The following RETREG1 variants were observed in gnomAD, a reference collection of about 807,000 sequenced individuals.
RETREG1 encodes reticulophagy regulator 1.
A neutral mutation model predicts 54.8 loss-of-function variants in RETREG1; 44 were observed. The ratio of observed to expected loss-of-function variants is 0.80; its 90% CI spans 0.63 to 1.03. The LOEUF is 1.03. Ranked by LOEUF, RETREG1 falls within the 50% of genes least tolerant of loss-of-function variation. RETREG1 has a pLI of 0.00. For missense variants in RETREG1, 554 were observed against 605.1 expected, an observed-to-expected ratio of 0.92 and a Z score of 0.89; for synonymous variants, 217 against 238.5, an observed-to-expected ratio of 0.91 and a Z score of 0.83.
At position 16,585,737 on chromosome 5, in the gene RETREG1, C is replaced by T. The variant is rs901268406; in HGVS notation, c.321-13635G>A. Among the ~76,000 whole-genome samples the T allele has an allele frequency of 3.9e-5, 6 of 152,222 alleles. No homozygotes were observed. Among genetic ancestry groups the T allele is most frequent in the East Asian group, 1.9e-4 (1 of 5,168 alleles). On this transcript the variant is annotated intron_variant, in intron 1 of 8. Coordinates refer to ENST00000306320, the MANE Select transcript of RETREG1 (RefSeq NM_001034850.3). The surrounding 1 kb of genome is among the most constrained non-coding windows in gnomAD (Gnocchi z 4.5). ...AGGAAGCATGGGGTCAGCATCTGCT[C>T]GGCTTCTCATGAGGCCTCAGAAAGC...
At chr5:16,540,892 T>C (rs1391400662) in intron 3 of RETREG1, among the ~76,000 whole-genome samples, 4 of 152,156 alleles carry the variant, frequency 2.6e-5, no homozygotes, top group Admixed American at 1.3e-4. Context: ...GGGAGTAGAA[T>C]TGTTGTCTAA....
intron 3 of RETREG1, among the ~76,000 whole-genome samples, chr5:16,505,396 T>G (rs1025377405): frequency 3.9e-5 from 6 of 152,190 alleles, no homozygotes; most frequent in African/African-American, 1.4e-4. Context: ...TGAAATACTC[T>G]TGCTTACTTT....
At chr5:16,612,920 T>C (rs1305570662) in intron 1 of RETREG1, among the ~76,000 whole-genome samples, 1 of 152,216 alleles carries the variant, frequency 6.6e-6, no homozygotes, top group African/African-American at 2.4e-5. Context: ...AAAACTTAAT[T>C]GAATCATTCA....
chr5:16,603,998 G>A (rs1743118601), intron 1 of RETREG1, among the ~76,000 whole-genome samples: 1 of 152,148 alleles, frequency 6.6e-6, no homozygotes, highest in Admixed American at 6.5e-5. Context: ...GTGGTGGGGT[G>A]GAATCCTCTA....
chr5:16,559,771 G>T (rs886820152), intron 3 of RETREG1, among the ~76,000 whole-genome samples: 1 of 152,168 alleles, frequency 6.6e-6, no homozygotes, highest in Non-Finnish European at 1.5e-5. Context: ...ATACAGAAAA[G>T]GTCACATGCA....
chr5:16,568,706 G>A (rs1278721643), intron 2 of RETREG1, among the ~76,000 whole-genome samples: 2 of 152,134 alleles, frequency 1.3e-5, no homozygotes, highest in African/African-American at 4.8e-5. Flanking sequence ...CAGGGGAAAG[G>A]GGGACTTGGC....
chr5:16,513,378 G>A lies in RETREG1; in HGVS notation c.459-29906C>T, dbSNP rs2126570422. 1.3e-5 allele frequency among the ~76,000 whole-genome samples: 2 copies of A among 152,296 alleles called. 1 individual carries two copies. Among genetic ancestry groups the A allele is most frequent in the East Asian group, 3.9e-4 (2 of 5,182 alleles). On this transcript the variant is annotated intron_variant, in intron 3 of 8. Coordinates refer to ENST00000306320, the MANE Select transcript of RETREG1 (RefSeq NM_001034850.3). ...ACAGTGGGGAAACTCCTTACAAAAG[G>A]CAAATGGACACATGTCTTTAGAGCC...
chr5:16,483,075 A>G, intron 4 of RETREG1: 1 of 414,148 alleles, frequency 2.4e-6, no homozygotes, highest in East Asian at 4.9e-5. Flanking sequence ...AGTCTTGCTG[A>G]TAAGACCAAT....
chr5:16,573,180 CAAAAAAA>C (rs11303408), intron 1 of RETREG1, among the ~76,000 whole-genome samples: 21 of 45,146 alleles, frequency 4.7e-4, no homozygotes, highest in East Asian at 1.1e-3. Flanking sequence ...GATTCTGTCT[CAAAAAAA>C]AAAAAAAAAA....
At chr5:16,548,298 G>A (rs1386144039) in intron 3 of RETREG1, among the ~76,000 whole-genome samples, 1 of 152,162 alleles carries the variant, frequency 6.6e-6, no homozygotes, top group Non-Finnish European at 1.5e-5. Flanking sequence ...ATCAGCAGGT[G>A]GAGGCGTGAA....
chr5:16,528,951 C>T (rs554617347), intron 3 of RETREG1, among the ~76,000 whole-genome samples: 56 of 152,220 alleles, frequency 3.7e-4, no homozygotes, highest in African/African-American at 9.1e-4. Flanking sequence ...CACACGTACA[C>T]GCACCATACA....
intron 1 of RETREG1, among the ~76,000 whole-genome samples, chr5:16,573,029 A>G (rs1742221152): frequency 6.6e-6 from 1 of 151,942 alleles, no homozygotes; most frequent in Non-Finnish European, 1.5e-5. Context: ...CTAAAAATAC[A>G]AAAGTTAGCC....
At chr5:16,553,254 A>G (rs1466023089) in intron 3 of RETREG1, among the ~76,000 whole-genome samples, 2 of 152,226 alleles carry the variant, frequency 1.3e-5, no homozygotes, top group Non-Finnish European at 2.9e-5. Context: ...ATGATGGAAT[A>G]TCGTACAGCC....
chr5:16,474,592 A>G lies in RETREG1; in HGVS notation c.*149T>C. The G allele has an allele frequency of 4.4e-6, 4 of 907,510 alleles. No homozygotes were observed. Among genetic ancestry groups the G allele is most frequent in the Non-Finnish European group, 6.6e-6 (4 of 608,630 alleles). 56.2% of individuals were successfully genotyped at this position (907,510 alleles called of 1,614,324 possible). On this transcript the variant is annotated 3_prime_UTR_variant, in exon 9 of 9. Coordinates refer to ENST00000306320, the MANE Select transcript of RETREG1 (RefSeq NM_001034850.3). ...ATCAGTGTCAGCTGATATATATCCAATTAATTCACTGCAGGAGGGAAAATA... is the reference window on the plus strand; with the variant it reads ...ATCAGTGTCAGCTGATATATATCCAGTTAATTCACTGCAGGAGGGAAAATA...
At chr5:16,521,846 G>A (rs1347010588) in intron 3 of RETREG1, among the ~76,000 whole-genome samples, 1 of 152,222 alleles carries the variant, frequency 6.6e-6, no homozygotes. Flanking sequence ...CATTTACCCA[G>A]TAGTTTTTGG....
chr5:16,573,741 T>TG lies in RETREG1; in HGVS notation c.321-1640dup, dbSNP rs1491495319. Among the ~76,000 whole-genome samples the TG allele has an allele frequency of 1.3e-3, 187 of 142,830 alleles. 1 individual carries two copies. The highest frequency in any genetic ancestry group is 4.7e-3 in the African/African-American group (185 of 39,084). 93.7% of individuals were successfully genotyped at this position (142,830 alleles called of 152,430 possible). A position where few individuals can be genotyped will look rare whatever the true frequency, so the allele number is the denominator to read the frequency against. On this transcript the variant is annotated intron_variant, in intron 1 of 8. Transcript: ENST00000306320. ...TGGTTTTTTGGGTTTGTTTGTTTTT[T>TG]GTTTTTTTTTTTTTTTTTTTGAGAT... is the stretch of plus-strand genomic sequence containing the variant.
chr5:16,479,888 G>A (rs939384510), intron 5 of RETREG1, among the ~76,000 whole-genome samples: 1 of 152,070 alleles, frequency 6.6e-6, no homozygotes, highest in Admixed American at 6.6e-5. Context: ...TAAGTGGAGA[G>A]TGCCTGCCCC....
chr5:16,604,697 G>A (rs1389965788), intron 1 of RETREG1, among the ~76,000 whole-genome samples: 4 of 152,114 alleles, frequency 2.6e-5, no homozygotes, highest in Non-Finnish European at 4.4e-5. Context: ...TAGGATTACC[G>A]TCAGGAGCGT....
intron 1 of RETREG1, among the ~76,000 whole-genome samples, chr5:16,577,851 C>T (rs1200352072): frequency 6.6e-6 from 1 of 152,176 alleles, no homozygotes; most frequent in Admixed American, 6.5e-5. Context: ...TTCTCTCTTG[C>T]CTGCCACGAT....
Sources: gnomAD v4.1 joint callset for allele counts (sites outside exome capture counted in the v4.1 genomes callset) on GRCh38, gnomAD v4.1.1 for gene constraint, Gnocchi (gnomAD v3.1) non-coding constraint, MANE v1.5 for transcripts, NCBI Gene and HGNC (gene_info 2026-07-23, HGNC 2026-07-21) for gene names.